Variants in GRID2 observed in about 807,000 individuals in gnomAD.
GRID2 encodes glutamate ionotropic receptor delta type subunit 2, also known as glutamate receptor ionotropic, delta-2.
Under a neutral mutation model 114.8 loss-of-function variants are expected in GRID2, and 33 were observed. That is an observed-to-expected ratio of 0.29 (90% CI 0.22 to 0.38). The LOEUF (loss-of-function observed/expected upper bound fraction) is 0.38. GRID2 is among the 10% of genes least tolerant of loss of function. The probability of loss-of-function intolerance (pLI) is 1.00; values close to 1 mark genes in which losing one functional copy is unlikely to be tolerated. For synonymous variants in GRID2, 505 were observed against 449.9 expected (o/e 1.12, Z -1.55); for missense variants, 1,184 against 1,257.7 (o/e 0.94, Z 0.89).
chr4:93,392,200 TTG>T (rs1279822228), intron 8 of GRID2, among the ~76,000 whole-genome samples: 1 of 152,086 alleles, frequency 6.6e-6, no homozygotes, highest in Admixed American at 6.6e-5. Context: ...GTATGAGATT[TTG>T]TGTGTGTGTT....
At chr4:93,704,975 G>A (rs1260793071) in intron 14 of GRID2, among the ~76,000 whole-genome samples, 2 of 152,116 alleles carry the variant, frequency 1.3e-5, no homozygotes, top group Admixed American at 6.5e-5. Flanking sequence ...ACCTAGGAGT[G>A]GGGTGGCTGG....
At chr4:93,277,234 G>A (rs1180505996) in intron 8 of GRID2, among the ~76,000 whole-genome samples, 1 of 151,850 alleles carries the variant, frequency 6.6e-6, no homozygotes, top group Non-Finnish European at 1.5e-5. Flanking sequence ...TTTGAAAATA[G>A]AATAACATGT....
chr4:93,452,437 G>A (rs989623870), intron 10 of GRID2, among the ~76,000 whole-genome samples: 6 of 151,926 alleles, frequency 3.9e-5, no homozygotes, highest in Admixed American at 2.0e-4. Context: ...TAGAGGGAAG[G>A]GCTCAATCTC....
At chr4:92,495,057 A>G (rs1247048034) in intron 1 of GRID2, among the ~76,000 whole-genome samples, 1 of 152,022 alleles carries the variant, frequency 6.6e-6, no homozygotes, top group Non-Finnish European at 1.5e-5. Flanking sequence ...GTATTTAAAA[A>G]TCACTTTTGT....
chr4:92,358,545 C>A (rs185627444), intron 1 of GRID2, among the ~76,000 whole-genome samples: 85 of 151,954 alleles, frequency 5.6e-4, no homozygotes, highest in African/African-American at 1.9e-3. Context: ...TTAGAGATAA[C>A]ATTGGGAACT....
intron 8 of GRID2, among the ~76,000 whole-genome samples, chr4:93,327,594 T>C (rs1242024558): frequency 6.6e-6 from 1 of 152,074 alleles, no homozygotes. Context: ...TGCAGCAACA[T>C]GGATGGAACT....
intron 1 of GRID2, among the ~76,000 whole-genome samples, chr4:92,498,032 C>G (rs1181242558): frequency 1.3e-5 from 2 of 150,530 alleles, no homozygotes; most frequent in Admixed American, 6.6e-5. Flanking sequence ...AAAAACAAAA[C>G]TAAAAAAGAA....
At chr4:93,488,097 G>A (rs959500744) in intron 11 of GRID2, among the ~76,000 whole-genome samples, 1 of 151,822 alleles carries the variant, frequency 6.6e-6, no homozygotes, top group Non-Finnish European at 1.5e-5. Flanking sequence ...TGCCCAATTA[G>A]CATTTTCATT....
chr4:93,688,410 T>C (rs1374809907), intron 14 of GRID2, among the ~76,000 whole-genome samples: 1 of 152,006 alleles, frequency 6.6e-6, no homozygotes, highest in African/African-American at 2.4e-5. Context: ...AAAGGCATTT[T>C]ATATATGTTA....
At chr4:93,396,984 A>G (rs2149332005) in intron 9 of GRID2, among the ~76,000 whole-genome samples, 1 of 152,108 alleles carries the variant, frequency 6.6e-6, no homozygotes. Flanking sequence ...AGATTTTCCT[A>G]TGGGCTAGGT....
chr4:93,292,419 G>A (rs1456237189), intron 8 of GRID2, among the ~76,000 whole-genome samples: 2 of 152,154 alleles, frequency 1.3e-5, no homozygotes, highest in Admixed American at 1.3e-4. Context: ...GCTATGAACA[G>A]AACTAAGAAG....
At chr4:93,066,113 C>T (rs1728269206) in intron 2 of GRID2, among the ~76,000 whole-genome samples, 1 of 151,832 alleles carries the variant, frequency 6.6e-6, no homozygotes, top group South Asian at 2.1e-4. Context: ...AATACTCAGG[C>T]ATTCTAGTTT....
intron 3 of GRID2, among the ~76,000 whole-genome samples, chr4:93,100,785 GA>G (rs1553987269): frequency 6.6e-6 from 1 of 151,904 alleles, no homozygotes; most frequent in Non-Finnish European, 1.5e-5. Context: ...ATGAGTAGAG[GA>G]AAAAAATAAG....
intron 2 of GRID2, among the ~76,000 whole-genome samples, chr4:92,803,135 T>C (rs192304127): frequency 2.0e-5 from 3 of 152,028 alleles, no homozygotes; most frequent in Non-Finnish European, 4.4e-5. Context: ...AATTTCCTCT[T>C]AATATAGTGC....
At chr4:93,536,838 A>G (rs1732137685) in intron 13 of GRID2, among the ~76,000 whole-genome samples, 1 of 151,720 alleles carries the variant, frequency 6.6e-6, no homozygotes, top group South Asian at 2.1e-4. Context: ...TAATTCAGTC[A>G]TGCAAAGTTT....
chr4:92,571,489 A>G (rs549526651), intron 1 of GRID2, among the ~76,000 whole-genome samples: 5 of 151,912 alleles, frequency 3.3e-5, no homozygotes, highest in African/African-American at 1.2e-4. Context: ...CAGAAAGTTA[A>G]CAAGGATATC....
chr4:92,533,464 CATACAT>C (rs1725453144), intron 1 of GRID2, among the ~76,000 whole-genome samples: 1 of 151,920 alleles, frequency 6.6e-6, no homozygotes, highest in East Asian at 1.9e-4. Flanking sequence ...TACATACATA[CATACAT>C]ACATACATAC....
chr4:92,485,348 AGTGTGT>A (rs377083429), intron 1 of GRID2, among the ~76,000 whole-genome samples: 3 of 49,518 alleles, frequency 6.1e-5, no homozygotes, highest in African/African-American at 2.3e-4. Flanking sequence ...ATATATATAT[AGTGTGT>A]GTGTGTGTGT....
At chr4:93,264,757 G>GATATATATATATATATATATATAT (rs10567648) in intron 8 of GRID2, among the ~76,000 whole-genome samples, 1 of 136,878 alleles carries the variant, frequency 7.3e-6, no homozygotes, top group African/African-American at 2.8e-5. Context: ...TCATTTGAAT[G>GATATATATATATATATATATATAT]ATATATATAT....
Sources: gnomAD v4.1 joint callset for allele counts (sites outside exome capture counted in the v4.1 genomes callset) on GRCh38, gnomAD v4.1.1 for gene constraint, MANE v1.5 for transcripts, NCBI Gene and HGNC (gene_info 2026-07-23, HGNC 2026-07-21) for gene names.